HVCN1: variants seen among roughly 807,000 people sequenced by gnomAD.
HVCN1 encodes voltage-gated hydrogen channel 1.
Under a neutral mutation model 29.2 loss-of-function variants are expected in HVCN1, and 14 were observed. That is an observed-to-expected ratio of 0.48 (90% CI 0.32 to 0.75). The LOEUF (loss-of-function observed/expected upper bound fraction) is 0.75. HVCN1 is among the 30% of genes least tolerant of loss of function. HVCN1 has a pLI of 0.04. For synonymous variants in HVCN1, 131 were observed against 133.2 expected, an observed-to-expected ratio of 0.98 and a Z score of 0.11; for missense variants, 263 against 341.8, an observed-to-expected ratio of 0.77 and a Z score of 1.82.
upstream of HVCN1, among the ~76,000 whole-genome samples, chr12:110,694,061 A>G (rs1472340068): frequency 1.3e-5 from 2 of 152,028 alleles, no homozygotes; most frequent in African/African-American, 4.8e-5. The surrounding 1 kb of genome is among the most constrained non-coding windows in gnomAD (Gnocchi z 4.6). Context: ...ATGTTCATGG[A>G]GCGTGTACTT....
chr12:110,678,439 C>CTTTTTTTTT lies in HVCN1; in HGVS notation c.21+4777_21+4785dup, dbSNP rs538999674. Among the ~76,000 whole-genome samples, 108 of 65,840 alleles carry CTTTTTTTTT rather than the reference C, an allele frequency of 1.6e-3. 1 individual carries two copies. The highest frequency in any genetic ancestry group is 2.3e-3 in the Non-Finnish European group (78 of 34,484). The allele number at this position is 65,840 out of a possible 152,430, so 43.2% of individuals were successfully genotyped here. On this transcript the variant is annotated intron_variant, in intron 3 of 7. Coordinates refer to ENST00000242607, the MANE Select transcript of HVCN1 (RefSeq NM_032369.4). ...TCTTATTTTCCATTTCATTCTATTTCTTTTTTTTTTTTTTTTTTTTTTTTT... is the reference window on the plus strand; with the variant it reads ...TCTTATTTTCCATTTCATTCTATTTCTTTTTTTTTTTTTTTTTTTTTTTTTTTTTTTTTT...
At chr12:110,679,579 C>T (rs913781984) in intron 3 of HVCN1, among the ~76,000 whole-genome samples, 8 of 152,168 alleles carry the variant, frequency 5.3e-5, no homozygotes, top group African/African-American at 1.9e-4. Flanking sequence ...CTGGGCCGGG[C>T]GCGGTGGCTC....
intron 4 of HVCN1, among the ~76,000 whole-genome samples, chr12:110,659,843 G>A (rs1412478682): frequency 6.6e-6 from 1 of 152,148 alleles, no homozygotes; most frequent in African/African-American, 2.4e-5. Context: ...TGACACGGGT[G>A]GATCACTTGA....
intron 3 of HVCN1, among the ~76,000 whole-genome samples, chr12:110,672,523 T>C (rs2136366941): frequency 6.6e-6 from 1 of 152,172 alleles, no homozygotes; most frequent in Non-Finnish European, 1.5e-5. Context: ...ACTGACAAAA[T>C]CAACCCCAAC....
In HVCN1 at chr12:110,650,238, A is replaced by G. The variant is rs367760167; in HGVS notation, c.686T>C (p.Leu229Ser). The change falls in exon 7 of 8, where the codon TTA becomes TCA. Residue 229 changes from leucine (L) to serine (S), a missense_variant. Around this residue, in one of 3 missense-constraint regions of HVCN1, gnomAD observed 51 missense variants for 51.1 expected, o/e 1.00. Transcript: ENST00000242607. ...SVKTRSERQL[L>S]RLKQMNVQLA... The stretch of plus-strand genomic sequence containing the variant: ...TTGTACATTCATCTGTTTTAACCTT[A>G]AGAGTTGCCGTTCTGAACGTGTCTT... 4.8e-5 allele frequency: 77 copies of G among 1,613,298 alleles called. No individual in the cohort carries two copies. Among genetic ancestry groups the G allele is most frequent in the Non-Finnish European group, 6.3e-5 (74 of 1,179,438 alleles).
At chr12:110,704,677 A>G (rs1440549174) in intron 1 of HVCN1, among the ~76,000 whole-genome samples, 1 of 152,168 alleles carries the variant, frequency 6.6e-6, no homozygotes, top group Non-Finnish European at 1.5e-5. Context: ...TAAAGTTAAA[A>G]AACAAAAATA....
At chr12:110,682,469 G>A (rs1467730310) in intron 3 of HVCN1, among the ~76,000 whole-genome samples, 1 of 152,044 alleles carries the variant, frequency 6.6e-6, no homozygotes, top group African/African-American at 2.4e-5. Context: ...AAAGTGCTGG[G>A]ATTACAGGCA....
chr12:110,690,428 T>G (rs1428110082), upstream of HVCN1, among the ~76,000 whole-genome samples: 1 of 152,228 alleles, frequency 6.6e-6, no homozygotes. Flanking sequence ...GGGTATTGTC[T>G]GCTTCAACTG....
At chr12:110,684,697 C>T (rs1295456669) in intron 2 of HVCN1, among the ~76,000 whole-genome samples, 2 of 152,094 alleles carry the variant, frequency 1.3e-5, no homozygotes, top group African/African-American at 2.4e-5. Context: ...TTCTGGGAGG[C>T]GTGAACTTTT....
intron 1 of HVCN1, among the ~76,000 whole-genome samples, chr12:110,703,648 G>A (rs888775009): frequency 6.6e-6 from 1 of 151,304 alleles, no homozygotes; most frequent in African/African-American, 2.4e-5. Context: ...AAATAAAAAC[G>A]ACCGCCCCAC....
Position 110,651,257 on chromosome 12 carries a change from C to T in HVCN1, c.603G>A (p.Leu201=). The T allele has an allele frequency of 2.5e-6, 4 of 1,614,050 alleles. No homozygotes were observed. Among genetic ancestry groups the T allele is most frequent in the South Asian group, 1.1e-5 (1 of 91,060 alleles). The change falls in exon 6 of 8, where the codon CTG becomes CTA. Residue 201 remains leucine (L), a synonymous_variant. Transcript: ENST00000242607. ...QEHQFEALGL[L]ILLRLWRVAR... ...CCACCCGCCACAGCCGGAGCAGAAT[C>T]AGCAGGCCCAGAGCCTCAAACTGGT...
upstream of HVCN1, among the ~76,000 whole-genome samples, chr12:110,692,755 C>A (rs1187167620): frequency 6.6e-6 from 1 of 151,986 alleles, no homozygotes; most frequent in Admixed American, 6.6e-5. Context: ...AAAAACAAAA[C>A]AACTTAGGGA....
At position 110,649,528 on chromosome 12, in the gene HVCN1, G is replaced by A. The variant is rs925297376; in HGVS notation, c.757-53C>T. Reference sequence around the variant, plus strand: ...ATTTACTTTGAGCCTCGCCAGGGATGTGACAATCAATCATTCAGTGAGCCC... The same window carrying A: ...ATTTACTTTGAGCCTCGCCAGGGATATGACAATCAATCATTCAGTGAGCCC... On this transcript the variant is annotated intron_variant, in intron 7 of 7. Coordinates refer to ENST00000242607, the MANE Select transcript of HVCN1 (RefSeq NM_032369.4). 3.7e-6 allele frequency: 5 copies of A among 1,346,064 alleles called. No homozygotes were observed. The South Asian group carries it at 6.1e-5, about 16-fold the overall frequency. 83.4% of individuals were successfully genotyped at this position (1,346,064 alleles called of 1,614,324 possible). A position where few individuals can be genotyped will look rare whatever the true frequency, so the allele number is the denominator to read the frequency against.
chr12:110,650,169 T>C lies in HVCN1; in HGVS notation c.755A>G (p.Lys252Arg). The C allele has an allele frequency of 6.2e-7, 1 of 1,602,132 alleles. No individual in the cohort carries two copies. Among genetic ancestry groups the C allele is most frequent in the South Asian group, 1.1e-5 (1 of 90,860 alleles). Residue 252 changes from lysine to arginine, a missense_variant and splice_region_variant, in exon 7 of 8, where the codon AAG becomes AGG. By Grantham distance (26) the Lys-to-Arg change is conservative. Coordinates refer to ENST00000242607, the MANE Select transcript of HVCN1 (RefSeq NM_032369.4). ...IQHLEFSCSE[K>R]EQEIERLNKL... is the part of the protein sequence containing the mutation. ...CCCCAGATGTGTCGTCTTTCTTACC[T>C]TCTCAGAGCAGCTGAACTCAAGGTG...
intron 5 of HVCN1, among the ~76,000 whole-genome samples, chr12:110,652,132 G>A (rs1172775823): frequency 6.6e-6 from 1 of 152,230 alleles, no homozygotes; most frequent in African/African-American, 2.4e-5. Flanking sequence ...AGTGGCTCAT[G>A]CCTGTAATCC....
rs2067608748 is a variant in HVCN1, at chr12:110,648,813, GTTGTT to G, written c.*592_*596del. On this transcript the variant is annotated 3_prime_UTR_variant, in exon 8 of 8. Coordinates refer to ENST00000242607, the MANE Select transcript of HVCN1 (RefSeq NM_032369.4). ...AAGAGAGAGTTTATTTTATACAGTA[GTTGTT>G]TTATTTTATACAGTAGTTGTACAGT... 3.1e-6 allele frequency: 1 copy of G among 327,806 alleles called. No individual in the cohort carries two copies. The highest frequency in any genetic ancestry group is 2.3e-5 in the African/African-American group (1 of 44,288). 20.3% of individuals were successfully genotyped at this position (327,806 alleles called of 1,614,324 possible). A position where few individuals can be genotyped will look rare whatever the true frequency, so the allele number is the denominator to read the frequency against.
At chr12:110,664,335 G>A (rs1157918385) in intron 3 of HVCN1, among the ~76,000 whole-genome samples, 1 of 152,120 alleles carries the variant, frequency 6.6e-6, no homozygotes, top group African/African-American at 2.4e-5. Context: ...TAGCAATGTG[G>A]ATAGCTCCTA....
chr12:110,662,031 G>T (rs2068191183), intron 3 of HVCN1, among the ~76,000 whole-genome samples: 1 of 152,186 alleles, frequency 6.6e-6, no homozygotes, highest in Non-Finnish European at 1.5e-5. Flanking sequence ...GCCCTACCAG[G>T]TATCAAATTT....
intron 3 of HVCN1, among the ~76,000 whole-genome samples, chr12:110,675,940 A>T (rs1399794187): frequency 6.6e-6 from 1 of 152,142 alleles, no homozygotes; most frequent in Admixed American, 6.6e-5. Context: ...AATAAATAAG[A>T]GATGGGATCA....
Sources: gnomAD v4.1 joint callset for allele counts (sites outside exome capture counted in the v4.1 genomes callset) on GRCh38, gnomAD v4.1.1 for gene constraint, gnomAD v4.1.1 regional missense constraint, Gnocchi (gnomAD v3.1) non-coding constraint, MANE v1.5 for transcripts, NCBI Gene and HGNC (gene_info 2026-07-23, HGNC 2026-07-21) for gene names.